Variants in CYREN observed in about 807,000 individuals in gnomAD.
The protein encoded by CYREN is cell cycle regulator of NHEJ, also known as cell cycle regulator of non-homologous end joining.
In CYREN, 7 loss-of-function variants were observed where a neutral mutation model predicts 9.7. That is an observed-to-expected ratio of 0.72 (90% CI 0.41 to 1.36). The LOEUF (loss-of-function observed/expected upper bound fraction) is 1.36, where lower values mean the gene tolerates loss of function less well. CYREN is among the 40% of genes most tolerant of loss of function. The pLI is 0.01. For synonymous variants in CYREN, 76 were observed against 77.9 expected (o/e 0.98, Z 0.13); for missense variants, 215 against 198.1 (o/e 1.09, Z -0.51).
intron 2 of CYREN, among the ~76,000 whole-genome samples, chr7:135,107,970 C>G (rs1477751107): frequency 6.6e-6 from 1 of 151,788 alleles, no homozygotes; most frequent in East Asian, 1.9e-4. Flanking sequence ...TATGTAATGT[C>G]TTTATCTTTT....
At chr7:135,107,614 T>C (rs971103523) in intron 2 of CYREN, among the ~76,000 whole-genome samples, 1 of 152,216 alleles carries the variant, frequency 6.6e-6, no homozygotes, top group Admixed American at 6.5e-5. Flanking sequence ...TTGCATTTCC[T>C]GAGAATTGTT....
At chr7:135,167,691 C>A in intron 3 of CYREN, 41 bp downstream of exon 3, 1 of 1,611,662 alleles carries the variant, frequency 6.2e-7, no homozygotes, top group South Asian at 1.1e-5. Context: ...TCTGCCCATG[C>A]AGAGTTTCTG....
chr7:135,148,445 C>G (rs1829594443), intron 2 of CYREN, among the ~76,000 whole-genome samples: 1 of 152,170 alleles, frequency 6.6e-6, no homozygotes, highest in South Asian at 2.1e-4. Context: ...CATAATCTAC[C>G]CCCTTTACTC....
chr7:135,116,034 A>G (rs187795213), intron 2 of CYREN, among the ~76,000 whole-genome samples: 3 of 152,230 alleles, frequency 2.0e-5, no homozygotes, highest in African/African-American at 7.2e-5. Context: ...AAGATAAAAA[A>G]CAGAACTACC....
downstream of CYREN, among the ~76,000 whole-genome samples, chr7:135,164,039 C>T (rs915334449): frequency 2.0e-5 from 3 of 152,226 alleles, no homozygotes; most frequent in Admixed American, 2.0e-4. Flanking sequence ...GTGGGCCTTG[C>T]CCTTCACCTC....
At chr7:135,127,644 G>T (rs10258877) in intron 2 of CYREN, among the ~76,000 whole-genome samples, 2 of 151,840 alleles carry the variant, frequency 1.3e-5, no homozygotes, top group Non-Finnish European at 2.9e-5. Context: ...ACATCAGTCA[G>T]AATGGCAATT....
intron 2 of CYREN, chr7:135,147,711 G>A: frequency 2.2e-6 from 1 of 453,374 alleles, no homozygotes; most frequent in South Asian, 1.6e-5. Context: ...AAATGAGTAG[G>A]AGGTGACCTG....
intron 3 of CYREN, 40 bp downstream of exon 3, chr7:135,167,692 A>G (rs774359888): frequency 2.5e-6 from 4 of 1,611,884 alleles, no homozygotes; most frequent in Non-Finnish European, 3.4e-6. Flanking sequence ...CTGCCCATGC[A>G]GAGTTTCTGG....
intron 2 of CYREN, among the ~76,000 whole-genome samples, chr7:135,158,986 C>T (rs1304679119): frequency 6.6e-6 from 1 of 152,238 alleles, no homozygotes; most frequent in East Asian, 1.9e-4. Flanking sequence ...AATGTCAGGC[C>T]CAGGCCCTGG....
chr7:135,102,403 A>C (rs574540202), intron 2 of CYREN, among the ~76,000 whole-genome samples: 1 of 152,290 alleles, frequency 6.6e-6, no homozygotes, highest in Non-Finnish European at 1.5e-5. Flanking sequence ...AAAAAATGTT[A>C]ATAATATCAA....
At chr7:135,115,649 C>T (rs1424153532) in intron 2 of CYREN, 2 of 1,419,520 alleles carry the variant, frequency 1.4e-6, no homozygotes, top group African/African-American at 1.5e-5. Context: ...ATCTATTTAA[C>T]ACATCTTTTT....
exon 3 of CYREN, chr7:135,093,859 T>C (rs760965289): frequency 2.6e-5 from 4 of 152,256 alleles, no homozygotes; most frequent in Non-Finnish European, 5.9e-5. Context: ...TACCAAGCTA[T>C]AGTAATTGAG....
intron 2 of CYREN, among the ~76,000 whole-genome samples, chr7:135,141,576 T>A (rs1371023809): frequency 6.6e-6 from 1 of 152,142 alleles, no homozygotes; most frequent in Non-Finnish European, 1.5e-5. Context: ...ATTGTGCTTA[T>A]TTATTTTCTT....
intron 2 of CYREN, among the ~76,000 whole-genome samples, chr7:135,146,047 C>T (rs1829539141): frequency 6.6e-6 from 1 of 152,204 alleles, no homozygotes; most frequent in Admixed American, 6.5e-5. Flanking sequence ...CCTCACTAAG[C>T]TTAATCATTT....
intron 1 of CYREN, 65 bp from the exon 2 acceptor site, chr7:135,169,125 G>A (rs1214747134): frequency 2.2e-5 from 12 of 544,964 alleles, no homozygotes; most frequent in Admixed American, 7.1e-5. Context: ...GTTACTGGTC[G>A]GTGCAGGGCA....
In CYREN at chr7:135,166,730, C is replaced by A. The variant is rs771843256; in HGVS notation, c.355G>T (p.Ala119Ser). Residue 119 changes from alanine (A) to serine (S), a missense_variant, in exon 4 of 4, where the codon GCT becomes TCT. Coordinates refer to ENST00000393114, the MANE Select transcript of CYREN (RefSeq NM_024033.4). ...EEEDSGKQAL[A>S]PGLSPSQRPG... ...CTCTGGGAAGGGCTGAGGCCTGGAG[C>A]CAGTGCCTGTTTCCCACTGTCCTCT... The A allele has an allele frequency of 6.8e-6, 11 of 1,613,844 alleles. No individual in the cohort carries two copies. The Admixed American group carries it at 1.8e-4, about 27-fold the overall frequency.
At chr7:135,109,730 C>G (rs576824852) in intron 2 of CYREN, among the ~76,000 whole-genome samples, 1 of 152,186 alleles carries the variant, frequency 6.6e-6, no homozygotes, top group Non-Finnish European at 1.5e-5. Context: ...GGATCCAGTG[C>G]CTGTGTGAAA....
rs73153777 is a variant in CYREN, at chr7:135,132,875, C to T, written n.356+35874G>A. Among the ~76,000 whole-genome samples the T allele has an allele frequency of 5.6e-3, 851 of 152,078 alleles. 3 individuals carry two copies. Among genetic ancestry groups the T allele is most frequent in the Non-Finnish European group, 8.7e-3 (593 of 68,006 alleles). On this transcript the variant is annotated intron_variant and non_coding_transcript_variant, in intron 2 of 2. Transcript: ENST00000459937. ...GCATTGGGTATGTTTTTATTAGCAG[C>T]GTGAGAATAGAATAATACACCACTC...
chr7:135,128,195 G>A (rs1828169745), intron 2 of CYREN, among the ~76,000 whole-genome samples: 1 of 147,368 alleles, frequency 6.8e-6, no homozygotes, highest in African/African-American at 2.5e-5. Flanking sequence ...GGGAGGCTGC[G>A]ACAGGAGAAT....
Sources: allele counts gnomAD v4.1 joint callset (sites outside exome capture counted in the v4.1 genomes callset), GRCh38; gene constraint gnomAD v4.1.1; transcripts MANE v1.5; gene names NCBI Gene and HGNC (gene_info 2026-07-23, HGNC 2026-07-21).